The following KCNH8 variants were observed in gnomAD, a reference collection of about 807,000 sequenced individuals.
KCNH8 encodes the protein voltage-gated delayed rectifier potassium channel KCNH8.
Under a neutral mutation model 103.6 loss-of-function variants are expected in KCNH8, and 70 were observed. The ratio of observed to expected loss-of-function variants is 0.68; its 90% confidence interval spans 0.56 to 0.82. The LOEUF (loss-of-function observed/expected upper bound fraction) is 0.82, where lower values mean the gene tolerates loss of function less well. Ranked by LOEUF, KCNH8 falls within the 40% of genes least tolerant of loss-of-function variation. The pLI, the probability that KCNH8 is intolerant of heterozygous loss-of-function variation, is 0.00. For missense variants in KCNH8, 1,217 were observed against 1,329.9 expected (o/e 0.92, Z 1.32); for synonymous variants, 498 against 489.4 (o/e 1.02, Z -0.23).
At chr3:19,516,001 G>T (rs2068868248) in intron 14 of KCNH8, among the ~76,000 whole-genome samples, 1 of 151,976 alleles carries the variant, frequency 6.6e-6, no homozygotes, top group Non-Finnish European at 1.5e-5. Context: ...TGAGTTTGTT[G>T]CTCGTAAGAA....
intron 3 of KCNH8, among the ~76,000 whole-genome samples, chr3:19,298,626 A>G (rs2065024438): frequency 6.6e-6 from 1 of 152,220 alleles, no homozygotes; most frequent in Non-Finnish European, 1.5e-5. Context: ...TGCTGATGGT[A>G]AAGTAAGAGA....
At chr3:19,445,024 T>C (rs765539834) in intron 8 of KCNH8, among the ~76,000 whole-genome samples, 83 of 151,992 alleles carry the variant, frequency 5.5e-4, no homozygotes, top group Non-Finnish European at 9.4e-4. Flanking sequence ...TCAGGTTATA[T>C]ACACAGATGT....
intron 7 of KCNH8, among the ~76,000 whole-genome samples, chr3:19,401,899 T>C (rs1387980157): frequency 6.6e-6 from 1 of 151,720 alleles, no homozygotes; most frequent in Non-Finnish European, 1.5e-5. Flanking sequence ...AGACAGGGAG[T>C]TAATATGATT....
chr3:19,449,153 C>A (rs2067405837), intron 8 of KCNH8: 1 of 291,668 alleles, frequency 3.4e-6, no homozygotes, highest in Non-Finnish European at 7.2e-6. Context: ...CTCCATATGC[C>A]CTCAAATTCT....
At chr3:19,316,652 A>C (rs2065278273) in intron 3 of KCNH8, among the ~76,000 whole-genome samples, 1 of 151,842 alleles carries the variant, frequency 6.6e-6, no homozygotes, top group Non-Finnish European at 1.5e-5. Flanking sequence ...CTAAGGTTGT[A>C]ATAGGAAGAT....
rs184235603 is a variant in KCNH8 at position 19,386,566 on chromosome 3, G to T, written c.812-3915G>T. Among the ~76,000 whole-genome samples the T allele has an allele frequency of 2.0e-3, 297 of 152,078 alleles. 1 individual carries two copies. The highest frequency in any genetic ancestry group is 3.5e-3 in the Non-Finnish European group (237 of 67,952). On this transcript the variant is annotated intron_variant, in intron 5 of 15. Transcript: ENST00000328405. ...TTTGAGTTAATTTGTTATGGATTTTGAAATTTCTTAAAAATTTAAACTGTG... is the reference window on the plus strand; with the variant it reads ...TTTGAGTTAATTTGTTATGGATTTTTAAATTTCTTAAAAATTTAAACTGTG...
At chr3:19,341,632 C>G (rs569869532) in intron 3 of KCNH8, among the ~76,000 whole-genome samples, 1 of 152,204 alleles carries the variant, frequency 6.6e-6, no homozygotes, top group South Asian at 2.1e-4. Context: ...AAAAACACTA[C>G]TTTGATTCTA....
At chr3:19,456,034 G>C (rs1180925234) in intron 10 of KCNH8, among the ~76,000 whole-genome samples, 1 of 151,996 alleles carries the variant, frequency 6.6e-6, no homozygotes, top group East Asian at 1.9e-4. Context: ...AAATATACAA[G>C]AAACAAAATT....
chr3:19,191,619 G>C (rs1174693993), intron 1 of KCNH8, among the ~76,000 whole-genome samples: 1 of 151,534 alleles, frequency 6.6e-6, no homozygotes, highest in Non-Finnish European at 1.5e-5. Flanking sequence ...ACTCCTGTTA[G>C]ATGCATGTTA....
intron 15 of KCNH8, among the ~76,000 whole-genome samples, chr3:19,520,781 G>A (rs144016101): frequency 6.6e-6 from 1 of 151,978 alleles, no homozygotes; most frequent in East Asian, 1.9e-4. Context: ...ACAGACTGTG[G>A]GCCTTTGTGT....
chr3:19,212,454 C>T (rs1341992667), intron 1 of KCNH8, among the ~76,000 whole-genome samples: 7 of 152,200 alleles, frequency 4.6e-5, no homozygotes, highest in Admixed American at 2.0e-4. Context: ...CTTCACACAG[C>T]CAGCACTATG....
chr3:19,526,879 T>C (rs576381346), intron 15 of KCNH8, among the ~76,000 whole-genome samples: 15 of 152,140 alleles, frequency 9.9e-5, no homozygotes, highest in African/African-American at 3.6e-4. Flanking sequence ...TCACTATTCA[T>C]TGAATGAATC....
chr3:19,208,872 A>G (rs1376355545), intron 1 of KCNH8, among the ~76,000 whole-genome samples: 1 of 151,980 alleles, frequency 6.6e-6, no homozygotes, highest in African/African-American at 2.4e-5. Context: ...TGCCTTTCAC[A>G]GGAGCTCAAT....
Position 19,451,304 on chromosome 3 carries a change from G to T in KCNH8, c.1725G>T (p.Gly575=). 1 of 1,613,910 alleles carries T rather than the reference G, an allele frequency of 6.2e-7. No individual in the cohort carries two copies. Among genetic ancestry groups the T allele is most frequent in the Non-Finnish European group, 8.5e-7 (1 of 1,179,886 alleles). ...LHIKTSFCAP[G]EYLLRQGDAL... ...TCAAAACCTCTTTCTGTGCTCCGGGGGAGTATCTGCTGCGTCAAGGGGATG... is the reference window on the plus strand; with the variant it reads ...TCAAAACCTCTTTCTGTGCTCCGGGTGAGTATCTGCTGCGTCAAGGGGATG... The change falls in exon 10 of 16, where the codon GGG becomes GGT. Residue 575 remains glycine (G), a synonymous_variant. Transcript: ENST00000328405.
chr3:19,295,312 A>G (rs2064981522), intron 3 of KCNH8, among the ~76,000 whole-genome samples: 1 of 151,890 alleles, frequency 6.6e-6, no homozygotes, highest in South Asian at 2.1e-4. Context: ...TGAGTTCAGG[A>G]GGTGGAGGCT....
At chr3:19,468,208 G>C (rs1389759516) in intron 11 of KCNH8, among the ~76,000 whole-genome samples, 1 of 152,004 alleles carries the variant, frequency 6.6e-6, no homozygotes, top group Non-Finnish European at 1.5e-5. Context: ...CCTTTGTCTT[G>C]TTCTATACTA....
Position 19,477,761 on chromosome 3 carries a change from T to C in KCNH8, c.2040+20779T>C, listed in dbSNP as rs1029087226. 3.3e-5 allele frequency among the ~76,000 whole-genome samples: 5 copies of C among 152,310 alleles called. No individual in the cohort carries two copies. The East Asian group carries it at 7.7e-4, about 24-fold the overall frequency. On this transcript the variant is annotated intron_variant, in intron 11 of 15. Coordinates refer to ENST00000328405, the MANE Select transcript of KCNH8 (RefSeq NM_144633.3). Reference sequence around the variant, plus strand: ...TTACTATGAGTTATCAAATACATCTTCTTCTTTAAATCTATTTATTTATTA... The same window carrying C: ...TTACTATGAGTTATCAAATACATCTCCTTCTTTAAATCTATTTATTTATTA...
intron 3 of KCNH8, among the ~76,000 whole-genome samples, chr3:19,315,795 T>A (rs1164505088): frequency 6.6e-6 from 1 of 151,970 alleles, no homozygotes; most frequent in Non-Finnish European, 1.5e-5. Flanking sequence ...ATAATTTGGA[T>A]GCAAGTGGTT....
chr3:19,175,797 A>G (rs1350589474), intron 1 of KCNH8, among the ~76,000 whole-genome samples: 1 of 152,174 alleles, frequency 6.6e-6, no homozygotes, highest in Non-Finnish European at 1.5e-5. Flanking sequence ...TTTATTCAAT[A>G]AAGTGTAAAG....
Sources: gnomAD v4.1 joint callset for allele counts (sites outside exome capture counted in the v4.1 genomes callset) on GRCh38, gnomAD v4.1.1 for gene constraint, MANE v1.5 for transcripts, NCBI Gene and HGNC (gene_info 2026-07-23, HGNC 2026-07-21) for gene names.